The following NANOS3 variants were observed in gnomAD, a reference collection of about 807,000 sequenced individuals.
NANOS3 encodes nanos C2HC-type zinc finger 3, also known as nanos homolog 3.
In NANOS3, 11 loss-of-function variants were observed where a neutral mutation model predicts 13.8. That is an observed-to-expected ratio of 0.80 (90% CI 0.50 to 1.32). The LOEUF (loss-of-function observed/expected upper bound fraction) is 1.32. Ranked by LOEUF, NANOS3 falls within the 40% of genes most tolerant of loss-of-function variation. NANOS3 has a pLI of 0.00. For synonymous variants in NANOS3, 119 were observed against 115.4 expected (o/e 1.03, Z -0.20); for missense variants, 221 against 263.8 (o/e 0.84, Z 1.12).
upstream of NANOS3, among the ~76,000 whole-genome samples, chr19:13,876,930 G>C (rs952379108): frequency 1.3e-5 from 2 of 152,126 alleles, no homozygotes; most frequent in Non-Finnish European, 2.9e-5. Flanking sequence ...GTGTACGGGG[G>C]GCTGTGGTGC....
rs763327872 is a variant in NANOS3, at chr19:13,880,473, G to A, written c.549G>A (p.Ser183=). 3 of 1,613,934 alleles carry A rather than the reference G, an allele frequency of 1.9e-6. No individual in the cohort carries two copies. The highest frequency in any genetic ancestry group is 1.3e-5 in the African/African-American group (1 of 74,994). ...GFRGAGKSEP[S]PSCSPSMST Reference sequence around the variant, plus strand: ...GAGGTGCCGGGAAGTCTGAGCCTTCGCCCTCCTGCTCTCCCTCCATGTCCA... The same window carrying A: ...GAGGTGCCGGGAAGTCTGAGCCTTCACCCTCCTGCTCTCCCTCCATGTCCA... The change falls in exon 2 of 2, where the codon TCG becomes TCA. Residue 183 remains serine, a synonymous_variant. Transcript: ENST00000339133.
At chr19:13,880,402 C>A in intron 1 of NANOS3, 40 bp from the exon 2 acceptor site, 2 of 1,598,856 alleles carry the variant, frequency 1.3e-6, no homozygotes, top group South Asian at 1.1e-5. Context: ...GTTGAGTCAT[C>A]GCCTGTGATT....
At chr19:13,866,203 G>A (rs1976237398) in intron 1 of NANOS3, among the ~76,000 whole-genome samples, 1 of 152,156 alleles carries the variant, frequency 6.6e-6, no homozygotes, top group Admixed American at 6.5e-5. Flanking sequence ...GAATCCCACT[G>A]CCGGGGAGCC....
intron 1 of NANOS3, among the ~76,000 whole-genome samples, chr19:13,878,237 T>G (rs971240466): frequency 1.3e-5 from 2 of 149,810 alleles, no homozygotes; most frequent in African/African-American, 4.9e-5. Flanking sequence ...AGTTTGTTTA[T>G]GTATTTATTT....
chr19:13,873,230 C>T (rs1300300938), upstream of NANOS3, among the ~76,000 whole-genome samples: 1 of 130,446 alleles, frequency 7.7e-6, no homozygotes, highest in Admixed American at 8.5e-5. Flanking sequence ...GGGGCAGGGC[C>T]TGGGCTGGGG....
upstream of NANOS3, among the ~76,000 whole-genome samples, chr19:13,862,444 A>G (rs1976172336): frequency 1.3e-5 from 2 of 152,132 alleles, no homozygotes; most frequent in Non-Finnish European, 2.9e-5. Context: ...TGGTGGCTGC[A>G]GGAAATTCAG....
upstream of NANOS3, among the ~76,000 whole-genome samples, chr19:13,863,182 C>G (rs1012861713): frequency 6.6e-5 from 10 of 151,854 alleles, no homozygotes; most frequent in African/African-American, 2.4e-4. Flanking sequence ...CCTTCCGCCT[C>G]TTTTTCTAAG....
intron 1 of NANOS3, among the ~76,000 whole-genome samples, chr19:13,871,264 T>C (rs1433727447): frequency 1.3e-5 from 2 of 151,868 alleles, no homozygotes; most frequent in Non-Finnish European, 2.9e-5. Context: ...TCCAGACAGT[T>C]TGAGGCAGGT....
At chr19:13,880,373 C>T (rs1342853160) in intron 1 of NANOS3, 69 bp from the exon 2 acceptor site, 9 of 1,472,948 alleles carry the variant, frequency 6.1e-6, no homozygotes, top group African/African-American at 1.4e-5. Flanking sequence ...AGGCCGAGTC[C>T]GTGGGCAACT....
intron 1 of NANOS3, among the ~76,000 whole-genome samples, chr19:13,878,839 A>C (rs1332599788): frequency 6.6e-6 from 1 of 151,806 alleles, no homozygotes; most frequent in Non-Finnish European, 1.5e-5. Flanking sequence ...CCGGTCTCAA[A>C]CACGGCTTAG....
intron 1 of NANOS3, among the ~76,000 whole-genome samples, chr19:13,869,753 TACACACACACAC>T (rs147933094): frequency 6.8e-6 from 1 of 146,518 alleles, no homozygotes; most frequent in African/African-American, 2.5e-5. Flanking sequence ...CAGGCCCAAG[TACACACACACAC>T]ACACGCACGC....
intron 1 of NANOS3, among the ~76,000 whole-genome samples, chr19:13,870,181 G>A (rs1430087577): frequency 3.3e-5 from 5 of 151,986 alleles, no homozygotes; most frequent in African/African-American, 9.7e-5. Context: ...CCTGGCTTGC[G>A]TGATCCTCCC....
At chr19:13,878,534 G>A (rs1315658741) in intron 1 of NANOS3, among the ~76,000 whole-genome samples, 1 of 152,004 alleles carries the variant, frequency 6.6e-6, no homozygotes, top group Non-Finnish European at 1.5e-5. Flanking sequence ...ACCACATCTG[G>A]CCCGCAGGGT....
chr19:13,876,421 A>G (rs1019503729), upstream of NANOS3, among the ~76,000 whole-genome samples: 2 of 151,930 alleles, frequency 1.3e-5, no homozygotes, highest in Non-Finnish European at 2.9e-5. Context: ...TGGCCTCCCA[A>G]ACTGTTGGGA....
upstream of NANOS3, among the ~76,000 whole-genome samples, chr19:13,864,881 C>T (rs1599296220): frequency 6.6e-6 from 1 of 152,076 alleles, no homozygotes; most frequent in East Asian, 1.9e-4. Context: ...CCCGCACGTC[C>T]CGCCACCCCC....
chr19:13,873,217 T>C (rs562149678), upstream of NANOS3, among the ~76,000 whole-genome samples: 1 of 140,898 alleles, frequency 7.1e-6, no homozygotes, highest in East Asian at 2.1e-4. Context: ...GACGGGGCTC[T>C]AAGGGGCAGG....
chr19:13,877,283 G>T lies in NANOS3; in HGVS notation c.35G>T (p.Gly12Val). The change falls in exon 1 of 2, where the codon GGT (glycine) becomes GTT (valine). Residue 12 changes from glycine (G) to valine (V), a missense_variant. Gly to Val is a moderately radical substitution (Grantham distance 109). This residue lies in a region of NANOS3 where 112 missense variants were observed against 116.3 expected (regional missense o/e 0.96). Coordinates refer to ENST00000339133, the MANE Select transcript of NANOS3 (RefSeq NM_001098622.3). Reference protein sequence around the residue: ...GTFDLWTDYLGLAHLVRALSG... With the variant: ...GTFDLWTDYLVLAHLVRALSG... ...TTTGACCTGTGGACAGATTACCTGG[G>T]TTTGGCACACCTGGTTAGGGCTCTG... 6.2e-7 allele frequency: 1 copy of T among 1,612,818 alleles called. No individual in the cohort carries two copies.
intron 1 of NANOS3, among the ~76,000 whole-genome samples, chr19:13,878,078 G>A (rs1332975858): frequency 1.3e-5 from 2 of 151,280 alleles, no homozygotes; most frequent in Non-Finnish European, 2.9e-5. Context: ...CCGGCTAATT[G>A]CCACCATGCC....
intron 1 of NANOS3, among the ~76,000 whole-genome samples, chr19:13,878,875 A>G (rs923069690): frequency 1.3e-4 from 20 of 152,152 alleles, no homozygotes; most frequent in Admixed American, 5.2e-4. Context: ...AGGCATCCCA[A>G]AATGCTAGGA....
Sources: gnomAD v4.1 joint callset for allele counts (sites outside exome capture counted in the v4.1 genomes callset) on GRCh38, gnomAD v4.1.1 for gene constraint, gnomAD v4.1.1 regional missense constraint, MANE v1.5 for transcripts, NCBI Gene and HGNC (gene_info 2026-07-23, HGNC 2026-07-21) for gene names.